CDK5RAP2: variants seen among roughly 807,000 people sequenced by gnomAD.
CDK5RAP2 encodes CDK5 regulatory subunit-associated protein 2.
In CDK5RAP2, 147 loss-of-function variants were observed where a neutral mutation model predicts 232.9. That is an observed-to-expected ratio of 0.63 (90% CI 0.55 to 0.72). The LOEUF (loss-of-function observed/expected upper bound fraction) is 0.72, where lower values mean the gene tolerates loss of function less well. Among genes scored for constraint, CDK5RAP2 ranks in the 30% least tolerant of loss-of-function variants. The pLI is 0.00. For synonymous variants in CDK5RAP2, 833 were observed against 833.7 expected (o/e 1.00, Z 0.01); for missense variants, 2,195 against 2,231.5 (o/e 0.98, Z 0.33).
At chr9:120,573,909 C>T (rs1456954154) in intron 1 of CDK5RAP2, among the ~76,000 whole-genome samples, 1 of 152,128 alleles carries the variant, frequency 6.6e-6, no homozygotes, top group Non-Finnish European at 1.5e-5. Context: ...TCCAGAAGCC[C>T]AAGGTCACAT....
chr9:120,459,806 T>C (rs1163054184), intron 19 of CDK5RAP2, among the ~76,000 whole-genome samples: 1 of 152,152 alleles, frequency 6.6e-6, no homozygotes, highest in Non-Finnish European at 1.5e-5. Flanking sequence ...TAAAACTATC[T>C]ACATTTTAAG....
At chr9:120,578,121 G>C (rs2043103540) in intron 1 of CDK5RAP2, among the ~76,000 whole-genome samples, 1 of 152,074 alleles carries the variant, frequency 6.6e-6, no homozygotes, top group Non-Finnish European at 1.5e-5. Context: ...ACAAAAATTA[G>C]CCACGCACGG....
At chr9:120,531,405 T>A (rs887204745) in intron 7 of CDK5RAP2, among the ~76,000 whole-genome samples, 26 of 152,132 alleles carry the variant, frequency 1.7e-4, no homozygotes, top group Non-Finnish European at 3.7e-4. Flanking sequence ...CTGGGCTGTG[T>A]TATCAAATAA....
At chr9:120,516,130 T>G (rs1405055194) in intron 12 of CDK5RAP2, among the ~76,000 whole-genome samples, 1 of 151,940 alleles carries the variant, frequency 6.6e-6, no homozygotes, top group African/African-American at 2.4e-5. Context: ...TGTCCAACAA[T>G]GATAGACTGG....
At chr9:120,470,004 GGAA>G in intron 17 of CDK5RAP2, 104 bp downstream of exon 17, 1 of 666,962 alleles carries the variant, frequency 1.5e-6, no homozygotes, top group Non-Finnish European at 2.7e-6. Context: ...GGGACAGGAA[GGAA>G]GGAGAGAGGC....
At chr9:120,394,385 G>A in intron 36 of CDK5RAP2, 127 bp downstream of exon 36, 1 of 1,435,930 alleles carries the variant, frequency 7.0e-7, no homozygotes, top group African/African-American at 1.4e-5. Flanking sequence ...AGTATGAAAA[G>A]AAGCCCACAG....
chr9:120,444,369 A>T (rs2036069541), intron 22 of CDK5RAP2, among the ~76,000 whole-genome samples: 1 of 152,238 alleles, frequency 6.6e-6, no homozygotes, highest in South Asian at 2.1e-4. Flanking sequence ...GAAGGTCCCC[A>T]CAACCCTGTA....
intron 20 of CDK5RAP2, among the ~76,000 whole-genome samples, chr9:120,455,165 G>C (rs2036690315): frequency 6.6e-6 from 1 of 152,118 alleles, no homozygotes; most frequent in South Asian, 2.1e-4. Context: ...GAGGGTTACA[G>C]GGCAACCATC....
rs1345031819 is a variant in CDK5RAP2, at chr9:120,453,621, C to T, written c.2628G>A (p.Val876=). ...VGLKDASVQT[V]ATEGDLLRFK... ...ATCTCAGCAGGTCGCCCTCCGTGGC[C>T]ACAGTCTGCACTGAGGCATCTTTCA... The change falls in exon 21 of 38, where the codon GTG becomes GTA. Residue 876 remains valine, a synonymous_variant. Transcript: ENST00000349780. 6.2e-7 allele frequency: 1 copy of T among 1,614,098 alleles called. No homozygotes were observed. The highest frequency in any genetic ancestry group is 8.5e-7 in the Non-Finnish European group (1 of 1,180,052).
At chr9:120,431,438 C>T (rs1338971625) in intron 25 of CDK5RAP2, among the ~76,000 whole-genome samples, 1 of 152,188 alleles carries the variant, frequency 6.6e-6, no homozygotes, top group Non-Finnish European at 1.5e-5. Flanking sequence ...CCGTTCCTCA[C>T]TTGTTAATAA....
chr9:120,580,044 C>T lies in CDK5RAP2; in HGVS notation c.-66G>A. The T allele has an allele frequency of 1.9e-6, 2 of 1,080,180 alleles. No individual in the cohort carries two copies. Among genetic ancestry groups the T allele is most frequent in the Non-Finnish European group, 2.8e-6 (2 of 712,410 alleles). The allele number at this position is 1,080,180 out of a possible 1,614,324, so 66.9% of individuals were successfully genotyped here. ...GCGCCACTAGTACCCCCCGCGATAG[C>T]GACCCGCCGGGCTCCCCAGGTCCCC... On this transcript the variant is annotated 5_prime_UTR_variant, in exon 1 of 38. Coordinates refer to ENST00000349780, the MANE Select transcript of CDK5RAP2 (RefSeq NM_018249.6).
Position 120,511,402 on chromosome 9 carries a change from C to T in CDK5RAP2, c.1311+7025G>A, listed in dbSNP as rs533107144. ...TCCAAGAAAAGAGAATAATGGGAAACAGCTAGATATAGTCCCAGGGACTGA... is the reference window on the plus strand; with the variant it reads ...TCCAAGAAAAGAGAATAATGGGAAATAGCTAGATATAGTCCCAGGGACTGA... On this transcript the variant is annotated intron_variant, in intron 12 of 37. Coordinates refer to ENST00000349780, the MANE Select transcript of CDK5RAP2 (RefSeq NM_018249.6). Among the ~76,000 whole-genome samples the T allele has an allele frequency of 2.0e-5, 3 of 152,328 alleles. No homozygotes were observed. In the East Asian group the frequency reaches 5.8e-4, roughly 29 times the overall value.
intron 3 of CDK5RAP2, among the ~76,000 whole-genome samples, chr9:120,551,373 A>T (rs1176715849): frequency 1.3e-5 from 2 of 152,186 alleles, no homozygotes; most frequent in Non-Finnish European, 1.5e-5. Context: ...CATATCACCC[A>T]CAAATGGCTT....
At chr9:120,524,873 A>T (rs1194457241) in intron 11 of CDK5RAP2, 113 bp downstream of exon 11, 9 of 758,312 alleles carry the variant, frequency 1.2e-5, no homozygotes, top group Admixed American at 6.0e-5. Flanking sequence ...ATCACTGAAG[A>T]CCACCCACAG....
At chr9:120,511,735 CTTTTTTTTTTT>C (rs747030569) in intron 12 of CDK5RAP2, among the ~76,000 whole-genome samples, 1 of 110,702 alleles carries the variant, frequency 9.0e-6, no homozygotes, top group Non-Finnish European at 1.8e-5. Context: ...TCACAACATG[CTTTTTTTTTTT>C]TTTTTTTTTT....
intron 12 of CDK5RAP2, among the ~76,000 whole-genome samples, chr9:120,508,954 C>A (rs954358703): frequency 1.3e-5 from 2 of 152,156 alleles, no homozygotes; most frequent in African/African-American, 4.8e-5. Context: ...GAGCCTGGCA[C>A]AGAAATGATA....
chr9:120,460,554 T>C lies in CDK5RAP2; in HGVS notation c.2202+18A>G, dbSNP rs2037025665. ...GAGTGGAGTAGATGAAATAAGGAGT[T>C]AACTGAAAGGTTCCTACCTCATTAC... On this transcript the variant is annotated intron_variant, in intron 19 of 37. Coordinates refer to ENST00000349780, the MANE Select transcript of CDK5RAP2 (RefSeq NM_018249.6). The C allele has an allele frequency of 6.2e-7, 1 of 1,611,532 alleles. No individual in the cohort carries two copies.
At chr9:120,539,500 A>G (rs1236361525) in intron 5 of CDK5RAP2, among the ~76,000 whole-genome samples, 2 of 152,236 alleles carry the variant, frequency 1.3e-5, no homozygotes, top group Non-Finnish European at 1.5e-5. Flanking sequence ...ATAAAAGTCT[A>G]TATCATCATT....
chr9:120,548,327 C>G (rs751507269), intron 4 of CDK5RAP2, among the ~76,000 whole-genome samples: 46 of 152,206 alleles, frequency 3.0e-4, no homozygotes, highest in Non-Finnish European at 1.3e-4. Context: ...ACTCTACGTG[C>G]TTCACTTTCT....
Sources: allele counts gnomAD v4.1 joint callset (sites outside exome capture counted in the v4.1 genomes callset), GRCh38; gene constraint gnomAD v4.1.1; transcripts MANE v1.5; gene names NCBI Gene and HGNC (gene_info 2026-07-23, HGNC 2026-07-21).